Variants in ZSWIM5 observed in about 807,000 individuals in gnomAD.
ZSWIM5 encodes the protein zinc finger SWIM-type containing 5.
ZSWIM5 carries 55 observed loss-of-function variants against 119.6 expected under a neutral mutation model. That is an observed-to-expected ratio of 0.46 (90% CI 0.37 to 0.58). The LOEUF (loss-of-function observed/expected upper bound fraction) is 0.58. Ranked by LOEUF, ZSWIM5 falls within the 20% of genes least tolerant of loss-of-function variation. The probability of loss-of-function intolerance (pLI) is 0.00; values close to 1 mark genes in which losing one functional copy is unlikely to be tolerated. For synonymous variants in ZSWIM5, 537 were observed against 606.9 expected, an observed-to-expected ratio of 0.88 and a Z score of 1.69; for missense variants, 1,193 against 1,512.8, an observed-to-expected ratio of 0.79 and a Z score of 3.51.
At chr1:45,027,271 T>A (rs1240906044) in intron 11 of ZSWIM5, among the ~76,000 whole-genome samples, 3 of 152,100 alleles carry the variant, frequency 2.0e-5, no homozygotes, top group Non-Finnish European at 4.4e-5. Context: ...TTTACATTGC[T>A]CTTCTTTCGC....
At position 45,020,594 on chromosome 1, in the gene ZSWIM5, A is replaced by G. The variant is rs565564324; in HGVS notation, c.2613+31T>C. On this transcript the variant is annotated intron_variant, in intron 12 of 13. Coordinates refer to ENST00000359600, the MANE Select transcript of ZSWIM5 (RefSeq NM_020883.2). ...CCAACTGTCACTAGGTCAGCGGTCT[A>G]AACTGTGGATGGCCTACTCTTCCTC... 2.5e-6 allele frequency: 4 copies of G among 1,608,796 alleles called. No homozygotes were observed. In the East Asian group the frequency reaches 6.7e-5, roughly 27 times the overall value.
chr1:45,167,571 C>T (rs1299967089), intron 1 of ZSWIM5, among the ~76,000 whole-genome samples: 4 of 151,790 alleles, frequency 2.6e-5, no homozygotes, highest in Admixed American at 2.6e-4. Flanking sequence ...TGCAATCTAC[C>T]CATCTGACAA....
intron 1 of ZSWIM5, among the ~76,000 whole-genome samples, chr1:45,132,249 C>T (rs371115827): frequency 4.7e-4 from 71 of 152,040 alleles, no homozygotes; most frequent in African/African-American, 1.2e-3. Flanking sequence ...CACTGATGTG[C>T]GGTGAGAAGA....
At chr1:45,039,998 C>A (rs887533731) in intron 7 of ZSWIM5, among the ~76,000 whole-genome samples, 2 of 151,972 alleles carry the variant, frequency 1.3e-5, no homozygotes, top group African/African-American at 4.8e-5. Context: ...AGCCACCATG[C>A]CTGGCCTTTA....
intron 1 of ZSWIM5, among the ~76,000 whole-genome samples, chr1:45,092,336 G>A (rs572599753): frequency 2.3e-4 from 35 of 152,046 alleles, no homozygotes; most frequent in African/African-American, 5.1e-4. Flanking sequence ...TCACTCTGTC[G>A]CCCAGGCAGG....
At chr1:45,108,081 T>C (rs969482623) in intron 1 of ZSWIM5, among the ~76,000 whole-genome samples, 1 of 152,214 alleles carries the variant, frequency 6.6e-6, no homozygotes, top group African/African-American at 2.4e-5. Flanking sequence ...ATTACATGTG[T>C]GAGCCACTGT....
At chr1:45,045,299 G>A (rs1645047544) in intron 5 of ZSWIM5, among the ~76,000 whole-genome samples, 1 of 152,090 alleles carries the variant, frequency 6.6e-6, no homozygotes, top group African/African-American at 2.4e-5. Flanking sequence ...ACTATTTTGG[G>A]ATCAAGAACT....
intron 2 of ZSWIM5, among the ~76,000 whole-genome samples, chr1:45,071,407 C>T (rs907580663): frequency 4.0e-4 from 59 of 149,214 alleles, no homozygotes; most frequent in African/African-American, 1.2e-3. Context: ...TTTCACCTAG[C>T]ATAATAACCT....
chr1:45,075,900 A>T (rs1645254033), intron 2 of ZSWIM5, among the ~76,000 whole-genome samples: 1 of 141,850 alleles, frequency 7.0e-6, no homozygotes, highest in Non-Finnish European at 1.5e-5. Flanking sequence ...TTTGGCTTGA[A>T]GTTACCATGA....
In ZSWIM5 at chr1:45,044,202, A is replaced by AAAGAG. The variant is rs111810805; in HGVS notation, c.1433-808_1433-807insCTCTT. On this transcript the variant is annotated intron_variant, in intron 5 of 13. Transcript: ENST00000359600. ...AAAATCCCATCTCAAAAAAAAAAAA[A>AAAGAG]AGAGAGAGAGAGAAAGAGCTGAAGC... Among the ~76,000 whole-genome samples, 367 of 144,054 alleles carry AAAGAG rather than the reference A, an allele frequency of 2.5e-3. 4 individuals are homozygous for AAAGAG. The highest frequency in any genetic ancestry group is 2.7e-3 in the African/African-American group (107 of 39,080). 94.5% of individuals were successfully genotyped at this position (144,054 alleles called of 152,430 possible).
At position 45,130,121 on chromosome 1, in the gene ZSWIM5, C is replaced by T. The variant is rs376536438; in HGVS notation, c.596-41884G>A. The stretch of plus-strand genomic sequence containing the variant: ...CCATGTTGGCCAGGCTGGTCTCGAA[C>T]TCCTGACCTCAAGTGATCCACATGC... On this transcript the variant is annotated intron_variant, in intron 1 of 13. Coordinates refer to ENST00000359600, the MANE Select transcript of ZSWIM5 (RefSeq NM_020883.2). Among the ~76,000 whole-genome samples the T allele has an allele frequency of 7.9e-5, 12 of 152,312 alleles. No homozygotes were observed. In the South Asian group the frequency reaches 2.5e-3, roughly 32 times the overall value.
chr1:45,205,715 G>A (rs1432525550), intron 1 of ZSWIM5, 41 bp downstream of exon 1: 1 of 1,491,084 alleles, frequency 6.7e-7, no homozygotes, highest in Non-Finnish European at 8.9e-7. Context: ...ACCCGCGGAA[G>A]AGGAGGCTGA....
intron 1 of ZSWIM5, among the ~76,000 whole-genome samples, chr1:45,139,099 C>A (rs943588604): frequency 6.6e-6 from 1 of 151,808 alleles, no homozygotes; most frequent in Admixed American, 6.6e-5. Context: ...CCAGGCTGGT[C>A]TCAAAATCCT....
At position 45,115,457 on chromosome 1, in the gene ZSWIM5, A is replaced by T. The variant is rs866911661; in HGVS notation, c.596-27220T>A. ...GGCAGAGACGCTCCTCACCTTCCAGACGGGGTGGCGGTCGGGCAGAGACAC... is the reference window on the plus strand; with the variant it reads ...GGCAGAGACGCTCCTCACCTTCCAGTCGGGGTGGCGGTCGGGCAGAGACAC... On this transcript the variant is annotated intron_variant, in intron 1 of 13. Transcript: ENST00000359600. Among the ~76,000 whole-genome samples, 6 of 146,738 alleles carry T rather than the reference A, an allele frequency of 4.1e-5. No individual in the cohort carries two copies. The Middle Eastern group carries it at 0.016, about 394-fold the overall frequency.
At chr1:45,049,707 G>A (rs943644791) in intron 5 of ZSWIM5, among the ~76,000 whole-genome samples, 5 of 152,068 alleles carry the variant, frequency 3.3e-5, no homozygotes, top group African/African-American at 9.7e-5. Context: ...CCAACTACTC[G>A]GGAAGCTGAG....
At chr1:45,045,583 C>A (rs1308513426) in intron 5 of ZSWIM5, among the ~76,000 whole-genome samples, 2 of 152,052 alleles carry the variant, frequency 1.3e-5, no homozygotes, top group African/African-American at 2.4e-5. Context: ...TCATGTTGTC[C>A]CTCACAGAAA....
chr1:45,182,331 A>G (rs1028083468), intron 1 of ZSWIM5, among the ~76,000 whole-genome samples: 47 of 151,682 alleles, frequency 3.1e-4, no homozygotes, highest in Non-Finnish European at 3.1e-4. Context: ...GTGAACCCAG[A>G]AGGCGGAGCT....
At chr1:45,121,630 C>G (rs115195648) in intron 1 of ZSWIM5, among the ~76,000 whole-genome samples, 2,811 of 128,668 alleles carry the variant, frequency 0.022, 102 homozygotes, top group African/African-American at 0.08. Flanking sequence ...GAGACAGGGT[C>G]TTGCTGTTGC....
chr1:45,193,911 C>T (rs978261489), intron 1 of ZSWIM5, among the ~76,000 whole-genome samples: 3 of 147,404 alleles, frequency 2.0e-5, no homozygotes, highest in Non-Finnish European at 3.0e-5. Flanking sequence ...TGTGATAGTA[C>T]GTATGTGTAC....
Sources: allele counts gnomAD v4.1 joint callset (sites outside exome capture counted in the v4.1 genomes callset), GRCh38; gene constraint gnomAD v4.1.1; transcripts MANE v1.5; gene names NCBI Gene and HGNC (gene_info 2026-07-23, HGNC 2026-07-21).